Variants in ZNF804B observed in about 807,000 individuals in gnomAD.
The protein encoded by ZNF804B is zinc finger protein 804B, also known as zinc finger 804B.
A neutral mutation model predicts 101.4 loss-of-function variants in ZNF804B; 80 were observed. That is an observed-to-expected ratio of 0.79 (90% confidence interval 0.66 to 0.95). ZNF804B has a LOEUF of 0.95. Ranked by LOEUF, ZNF804B falls within the 40% of genes least tolerant of loss-of-function variation. ZNF804B has a pLI of 0.00. For synonymous variants in ZNF804B, 622 were observed against 558.8 expected (o/e 1.11, Z -1.59); for missense variants, 1,673 against 1,561.9 (o/e 1.07, Z -1.20).
intron 2 of ZNF804B, among the ~76,000 whole-genome samples, chr7:89,220,151 A>ACACACATATATATGTGCG (rs1788980541): frequency 5.2e-5 from 2 of 38,254 alleles, no homozygotes; most frequent in Non-Finnish European, 5.9e-5. Flanking sequence ...GTGTATATAC[A>ACACACATATATATGTGCG]TATATATATA....
At chr7:89,278,304 T>C (rs891513422) in intron 2 of ZNF804B, among the ~76,000 whole-genome samples, 1 of 151,948 alleles carries the variant, frequency 6.6e-6, no homozygotes, top group East Asian at 1.9e-4. Flanking sequence ...GTAGGTTGCC[T>C]GTTCACTCTG....
At chr7:88,784,959 A>G (rs1790278153) in intron 1 of ZNF804B, among the ~76,000 whole-genome samples, 1 of 152,124 alleles carries the variant, frequency 6.6e-6, no homozygotes, top group Non-Finnish European at 1.5e-5. Context: ...AAGATTTAGA[A>G]TGAGGCTTTC....
Position 89,335,743 on chromosome 7 carries a change from A to T in ZNF804B, c.2761A>T (p.Thr921Ser), listed in dbSNP as rs757148276. 6.2e-7 allele frequency: 1 copy of T among 1,613,960 alleles called. No individual in the cohort carries two copies. Among genetic ancestry groups the T allele is most frequent in the Non-Finnish European group, 8.5e-7 (1 of 1,179,952 alleles). Residue 921 changes from threonine (T) to serine (S), a missense_variant, in exon 4 of 4, where the codon ACC becomes TCC. By Grantham distance (58) the Thr-to-Ser change is moderately conservative (BLOSUM62 1). Coordinates refer to ENST00000333190, the MANE Select transcript of ZNF804B (RefSeq NM_181646.5). Reference sequence around the variant, plus strand: ...ATCAAACACTGCAGAAGGAGAGAGGACCCCTCTAACAGCAAAAATCCTTTT... The same window carrying T: ...ATCAAACACTGCAGAAGGAGAGAGGTCCCCTCTAACAGCAAAAATCCTTTT... ...TESNTAEGER[T>S]PLTAKILLER...
At chr7:89,273,970 C>T (rs561010407) in intron 2 of ZNF804B, among the ~76,000 whole-genome samples, 6 of 152,084 alleles carry the variant, frequency 3.9e-5, no homozygotes, top group Non-Finnish European at 7.4e-5. Context: ...TCTGCTTTTT[C>T]TGTTTCAGAT....
intron 1 of ZNF804B, among the ~76,000 whole-genome samples, chr7:88,805,703 G>A (rs1790674920): frequency 6.6e-6 from 1 of 152,174 alleles, no homozygotes; most frequent in African/African-American, 2.4e-5. Flanking sequence ...GCACATTCCT[G>A]GGGGTCTAGA....
At chr7:89,054,841 C>T (rs948515093) in intron 1 of ZNF804B, among the ~76,000 whole-genome samples, 8 of 152,022 alleles carry the variant, frequency 5.3e-5, no homozygotes, top group African/African-American at 1.9e-4. Flanking sequence ...TCCTCCCTGT[C>T]ATCCTCATTT....
chr7:89,330,401 C>T (rs1444302944), intron 3 of ZNF804B, among the ~76,000 whole-genome samples: 1 of 151,420 alleles, frequency 6.6e-6, no homozygotes, highest in Non-Finnish European at 1.5e-5. Flanking sequence ...ATGGTAACTA[C>T]GTGTATGATA....
intron 2 of ZNF804B, among the ~76,000 whole-genome samples, chr7:89,237,789 A>G (rs1178326254): frequency 1.3e-5 from 2 of 152,136 alleles, no homozygotes; most frequent in African/African-American, 4.8e-5. Flanking sequence ...ACTTCTCTAT[A>G]TGCTATGGGA....
At chr7:89,076,274 C>G (rs913793075) in intron 1 of ZNF804B, among the ~76,000 whole-genome samples, 15 of 152,122 alleles carry the variant, frequency 9.9e-5, no homozygotes, top group African/African-American at 3.4e-4. Flanking sequence ...TCCACAATCC[C>G]CCTGTGTCAT....
chr7:89,030,245 C>G (rs1269227972), intron 1 of ZNF804B, among the ~76,000 whole-genome samples: 3 of 152,082 alleles, frequency 2.0e-5, no homozygotes, highest in African/African-American at 7.2e-5. Context: ...AGTTTAGTGT[C>G]ATCTGAAGTC....
intron 2 of ZNF804B, among the ~76,000 whole-genome samples, chr7:89,241,309 A>G (rs756854092): frequency 1.3e-5 from 2 of 152,054 alleles, no homozygotes; most frequent in Non-Finnish European, 2.9e-5. Flanking sequence ...TGAAGCTTCA[A>G]TTATTCACTC....
intron 1 of ZNF804B, among the ~76,000 whole-genome samples, chr7:89,007,187 T>C (rs1379725074): frequency 6.6e-6 from 1 of 151,994 alleles, no homozygotes; most frequent in African/African-American, 2.4e-5. Context: ...GTTTTAAAAT[T>C]AGATTTCATA....
intron 1 of ZNF804B, among the ~76,000 whole-genome samples, chr7:89,129,425 A>C (rs923833438): frequency 6.6e-6 from 1 of 152,062 alleles, no homozygotes; most frequent in African/African-American, 2.4e-5. Context: ...ACAACAAAAC[A>C]TTTGGGAAGC....
At chr7:88,772,732 C>T (rs1790086997) in intron 1 of ZNF804B, among the ~76,000 whole-genome samples, 2 of 152,148 alleles carry the variant, frequency 1.3e-5, no homozygotes, top group African/African-American at 4.8e-5. Flanking sequence ...GAACTGCAAA[C>T]TCAAAATTTC....
chr7:89,214,616 T>C (rs1788859102), intron 1 of ZNF804B, among the ~76,000 whole-genome samples: 1 of 152,182 alleles, frequency 6.6e-6, no homozygotes, highest in African/African-American at 2.4e-5. Flanking sequence ...TAATAATGTG[T>C]ATATAATGCT....
chr7:89,279,333 T>G (rs894113412), intron 2 of ZNF804B, among the ~76,000 whole-genome samples: 10 of 151,682 alleles, frequency 6.6e-5, no homozygotes, highest in African/African-American at 2.2e-4. Context: ...CCTAATTGAA[T>G]ACCCTTTATT....
At chr7:88,789,231 T>G (rs963099129) in intron 1 of ZNF804B, among the ~76,000 whole-genome samples, 9 of 152,064 alleles carry the variant, frequency 5.9e-5, no homozygotes, top group African/African-American at 2.2e-4. Flanking sequence ...AATATAAAAT[T>G]TTTCTCAGAT....
At chr7:89,254,335 T>C (rs1789591863) in intron 2 of ZNF804B, among the ~76,000 whole-genome samples, 1 of 152,008 alleles carries the variant, frequency 6.6e-6, no homozygotes, top group Non-Finnish European at 1.5e-5. Flanking sequence ...AATATAATTG[T>C]ATTAAAAGAA....
intron 1 of ZNF804B, among the ~76,000 whole-genome samples, chr7:88,893,485 AATACT>A (rs1488978887): frequency 6.6e-6 from 1 of 152,100 alleles, no homozygotes; most frequent in East Asian, 1.9e-4. Context: ...ATTTCAAAAA[AATACT>A]ATATATAAAC....
Sources: gnomAD v4.1 joint callset for allele counts (sites outside exome capture counted in the v4.1 genomes callset) on GRCh38, gnomAD v4.1.1 for gene constraint, MANE v1.5 for transcripts, NCBI Gene and HGNC (gene_info 2026-07-23, HGNC 2026-07-21) for gene names.